Variants in SERGEF observed in about 807,000 individuals in gnomAD.
SERGEF encodes the protein secretion regulating guanine nucleotide exchange factor, also known as secretion-regulating guanine nucleotide exchange factor.
Under a neutral mutation model 50.0 loss-of-function variants are expected in SERGEF, and 51 were observed. The ratio of observed to expected loss-of-function variants is 1.02; its 90% CI spans 0.81 to 1.29. The LOEUF is 1.29. Among genes scored for constraint, SERGEF ranks in the 50% most tolerant of loss-of-function variants. The pLI, the probability that SERGEF is intolerant of heterozygous loss-of-function variation, is 0.00. For missense variants in SERGEF, 521 were observed against 557.0 expected, an observed-to-expected ratio of 0.94 and a Z score of 0.65; for synonymous variants, 205 against 212.4, an observed-to-expected ratio of 0.97 and a Z score of 0.30.
At chr11:17,970,261 A>G (rs1853218925) in intron 8 of SERGEF, among the ~76,000 whole-genome samples, 1 of 152,102 alleles carries the variant, frequency 6.6e-6, no homozygotes, top group Admixed American at 6.5e-5. Flanking sequence ...CATTGTTATT[A>G]TTACATCTGT....
chr11:17,818,581 T>C (rs1850021859), intron 10 of SERGEF, among the ~76,000 whole-genome samples: 1 of 152,176 alleles, frequency 6.6e-6, no homozygotes, highest in Non-Finnish European at 1.5e-5. Context: ...CCAGGGTATA[T>C]ACTGCCTGAG....
chr11:17,932,597 A>G (rs1317889458), intron 9 of SERGEF, among the ~76,000 whole-genome samples: 1 of 152,140 alleles, frequency 6.6e-6, no homozygotes, highest in Non-Finnish European at 1.5e-5. Context: ...CTAAGAGGAG[A>G]AAGGAGCCAT....
At position 17,969,233 on chromosome 11, in the gene SERGEF, T is replaced by C. The variant is rs1383175855; in HGVS notation, c.845-9597A>G. Among the ~76,000 whole-genome samples, 9 of 152,300 alleles carry C rather than the reference T, an allele frequency of 5.9e-5. No homozygotes were observed. In the East Asian group the frequency reaches 1.7e-3, roughly 29 times the overall value. On this transcript the variant is annotated intron_variant, in intron 8 of 10. Transcript: ENST00000265965. ...GTCCAGCAGCACATCACACTGCTAGTTACACCTAGAAGCTGCTTGGCAACC... is the reference window on the plus strand; with the variant it reads ...GTCCAGCAGCACATCACACTGCTAGCTACACCTAGAAGCTGCTTGGCAACC...
At chr11:17,921,095 C>T (rs1272389535) in intron 9 of SERGEF, among the ~76,000 whole-genome samples, 2 of 152,226 alleles carry the variant, frequency 1.3e-5, no homozygotes, top group African/African-American at 2.4e-5. Flanking sequence ...TACATTATCA[C>T]ACTGGAGCTG....
intron 10 of SERGEF, among the ~76,000 whole-genome samples, chr11:17,858,559 G>T (rs930107598): frequency 1.3e-5 from 2 of 152,118 alleles, no homozygotes; most frequent in African/African-American, 4.8e-5. Flanking sequence ...GAAGTCAGCA[G>T]CCAGTGCATC....
chr11:17,994,354 T>C (rs1447082848), intron 6 of SERGEF, among the ~76,000 whole-genome samples: 2 of 151,502 alleles, frequency 1.3e-5, no homozygotes, highest in South Asian at 4.2e-4. Flanking sequence ...CAGGCGCCAG[T>C]AGTCCCAGCT....
At position 17,971,365 on chromosome 11, in the gene SERGEF, A is replaced by G. The variant is rs1172161749; in HGVS notation, c.845-11729T>C. Among the ~76,000 whole-genome samples, 4 of 152,202 alleles carry G rather than the reference A, an allele frequency of 2.6e-5. No homozygotes were observed. The East Asian group carries it at 5.8e-4, about 22-fold the overall frequency. On this transcript the variant is annotated intron_variant, in intron 8 of 10. Coordinates refer to ENST00000265965, the MANE Select transcript of SERGEF (RefSeq NM_012139.4). ...TTCAATGTAGACCAAACAGCCTTCTATGGGAAGAAGATAACTATCTAGGGC... is the reference window on the plus strand; with the variant it reads ...TTCAATGTAGACCAAACAGCCTTCTGTGGGAAGAAGATAACTATCTAGGGC...
At chr11:17,863,083 C>A (rs1850955846) in intron 10 of SERGEF, among the ~76,000 whole-genome samples, 1 of 152,176 alleles carries the variant, frequency 6.6e-6, no homozygotes, top group Non-Finnish European at 1.5e-5. Context: ...AGTCAGCAGA[C>A]CTTAGTTTGA....
At chr11:17,903,924 CAACTATG>C (rs1365763971) in intron 9 of SERGEF, among the ~76,000 whole-genome samples, 1 of 152,242 alleles carries the variant, frequency 6.6e-6, no homozygotes. Context: ...TAACAGCCAT[CAACTATG>C]AACACTATAA....
At chr11:17,890,032 A>AG (rs1851503201) in intron 9 of SERGEF, among the ~76,000 whole-genome samples, 2 of 150,412 alleles carry the variant, frequency 1.3e-5, no homozygotes, top group Non-Finnish European at 3.0e-5. Context: ...CAACCAAAAA[A>AG]AAAAAAAAAA....
Position 18,012,967 on chromosome 11 carries a change from GC to G in SERGEF, c.43del (p.Ala15ProfsTer28). The G allele has an allele frequency of 6.8e-7, 1 of 1,477,076 alleles. No individual in the cohort carries two copies. Among genetic ancestry groups the G allele is most frequent in the Non-Finnish European group, 8.9e-7 (1 of 1,123,504 alleles). 91.5% of individuals were successfully genotyped at this position (1,477,076 alleles called of 1,614,324 possible). On this transcript the variant is annotated frameshift_variant, in exon 1 of 11. Transcript: ENST00000265965. LOFTEE classifies it high-confidence loss of function. ...PSASEAAPAA[A>X]ALFAWGANSY... ...GTCACGTACCCAGGCGAAGAGCGCG[GC>G]CGCCGCGGGGGCGGCCTCCGAGGCG...
At chr11:17,937,066 AT>A (rs1308020748) in intron 9 of SERGEF, among the ~76,000 whole-genome samples, 42 of 152,244 alleles carry the variant, frequency 2.8e-4, no homozygotes, top group African/African-American at 9.4e-4. Flanking sequence ...ATTATGGCAT[AT>A]TCAAATAATA....
intron 10 of SERGEF, among the ~76,000 whole-genome samples, chr11:17,824,117 C>T (rs979933012): frequency 3.3e-5 from 5 of 152,170 alleles, no homozygotes; most frequent in Admixed American, 2.0e-4. Context: ...CTGGCTAACA[C>T]GGTGAAACCC....
rs564514715 is a variant in SERGEF, at chr11:17,801,009, C to T, written c.1049-12596G>A. Among the ~76,000 whole-genome samples, 3 of 151,948 alleles carry T rather than the reference C, an allele frequency of 2.0e-5. No homozygotes were observed. In the South Asian group the frequency reaches 6.2e-4, roughly 32 times the overall value. ...AGGAGATCAAGACCATCCTGGCTAA[C>T]ACGGTGAAAGCCTGTCTCTACTAAA... On this transcript the variant is annotated intron_variant, in intron 10 of 10. Coordinates refer to ENST00000265965, the MANE Select transcript of SERGEF (RefSeq NM_012139.4).
chr11:17,959,677 G>A (rs370629631), intron 8 of SERGEF, 41 bp from the exon 9 acceptor site: 156 of 1,540,336 alleles, frequency 1.0e-4, no homozygotes, highest in Non-Finnish European at 1.3e-4. Flanking sequence ...ACATTCCACA[G>A]CTGTGCTCTC....
chr11:17,953,947 A>G (rs532098272), intron 9 of SERGEF, among the ~76,000 whole-genome samples: 40 of 152,320 alleles, frequency 2.6e-4, no homozygotes, highest in African/African-American at 9.4e-4. Context: ...GTCAGCAGCT[A>G]CAGCACAGAT....
chr11:18,003,206 GA>G (rs1315882556), intron 4 of SERGEF, among the ~76,000 whole-genome samples: 2 of 152,194 alleles, frequency 1.3e-5, no homozygotes, highest in Admixed American at 1.3e-4. Flanking sequence ...AGAGTTTAGG[GA>G]AATTAGATCG....
intron 10 of SERGEF, among the ~76,000 whole-genome samples, chr11:17,871,242 C>T (rs750230636): frequency 5.3e-5 from 8 of 151,882 alleles, no homozygotes; most frequent in African/African-American, 7.3e-5. Flanking sequence ...GTAAGCCACA[C>T]GAGGTCAGGA....
intron 10 of SERGEF, among the ~76,000 whole-genome samples, chr11:17,830,647 A>AGG (rs58258986): frequency 4.1e-5 from 4 of 97,802 alleles, no homozygotes; most frequent in African/African-American, 7.5e-5. Flanking sequence ...AGGGAGAGGG[A>AGG]GGGAGAGAGA....
Sources: allele counts gnomAD v4.1 joint callset (sites outside exome capture counted in the v4.1 genomes callset), GRCh38; gene constraint gnomAD v4.1.1; transcripts MANE v1.5; gene names NCBI Gene and HGNC (gene_info 2026-07-23, HGNC 2026-07-21).